NR3C2: variants seen among roughly 807,000 people sequenced by gnomAD.
NR3C2 encodes nuclear receptor subfamily 3 group C member 2.
Under a neutral mutation model 86.4 loss-of-function variants are expected in NR3C2, and 15 were observed. The ratio of observed to expected loss-of-function variants is 0.17; its 90% confidence interval spans 0.12 to 0.27. The LOEUF (loss-of-function observed/expected upper bound fraction) is 0.27, where lower values mean the gene tolerates loss of function less well. Ranked by LOEUF, NR3C2 falls within the 10% of genes least tolerant of loss-of-function variation. The pLI, the probability that NR3C2 is intolerant of heterozygous loss-of-function variation, is 1.00. For missense variants in NR3C2, 960 were observed against 1,195.6 expected, an observed-to-expected ratio of 0.80 and a Z score of 2.91; for synonymous variants, 458 against 450.5, an observed-to-expected ratio of 1.02 and a Z score of -0.21.
chr4:148,422,023 T>A (rs72658661), intron 2 of NR3C2, among the ~76,000 whole-genome samples: 11 of 152,126 alleles, frequency 7.2e-5, no homozygotes, highest in African/African-American at 2.7e-4. Context: ...GTCATACAAA[T>A]GTAGGAGCTT....
chr4:148,137,504 G>A (rs958208657), intron 6 of NR3C2, among the ~76,000 whole-genome samples: 2 of 152,278 alleles, frequency 1.3e-5, no homozygotes, highest in East Asian at 3.9e-4. Flanking sequence ...ACTAGACTAT[G>A]AGCCCTTTTA....
chr4:148,414,329 C>A (rs1474447955), intron 2 of NR3C2, among the ~76,000 whole-genome samples: 1 of 152,102 alleles, frequency 6.6e-6, no homozygotes, highest in Non-Finnish European at 1.5e-5. Flanking sequence ...GGATCCAAAT[C>A]TGATTTGAAC....
intron 2 of NR3C2, among the ~76,000 whole-genome samples, chr4:148,420,593 A>G (rs1167391332): frequency 1.3e-5 from 2 of 152,122 alleles, no homozygotes; most frequent in African/African-American, 4.8e-5. Context: ...AAAAGTGAGG[A>G]CTTCCTCATT....
intron 2 of NR3C2, among the ~76,000 whole-genome samples, chr4:148,302,969 G>A (rs1431365277): frequency 6.6e-6 from 1 of 152,082 alleles, no homozygotes; most frequent in Non-Finnish European, 1.5e-5. Context: ...CCCATGGCTG[G>A]GCTCAACTTT....
Position 148,079,064 on chromosome 4 carries a change from G to A in NR3C2, c.*2280C>T, listed in dbSNP as rs1209410132. 2.0e-5 allele frequency: 3 copies of A among 152,598 alleles called. No homozygotes were observed. The highest frequency in any genetic ancestry group is 4.4e-5 in the Non-Finnish European group (3 of 68,030). The allele number at this position is 152,598 out of a possible 1,614,324, so 9.5% of individuals were successfully genotyped here. On this transcript the variant is annotated 3_prime_UTR_variant, in exon 9 of 9. Transcript: ENST00000358102. ...AGACACACAAAGAGCCAGTAACTTT[G>A]TTAATACAAAAAGCTGATGCAGACC...
At chr4:148,104,357 T>TGG (rs1371388950) in intron 8 of NR3C2, among the ~76,000 whole-genome samples, 1 of 135,590 alleles carries the variant, frequency 7.4e-6, no homozygotes, top group Non-Finnish European at 1.6e-5. Flanking sequence ...TTTTTTTTTT[T>TGG]TTTTTGCATA....
chr4:148,270,039 T>C (rs1213008845), intron 2 of NR3C2, among the ~76,000 whole-genome samples: 1 of 151,886 alleles, frequency 6.6e-6, no homozygotes, highest in Non-Finnish European at 1.5e-5. Flanking sequence ...CTAATGTGAA[T>C]CTTGAACACA....
At chr4:148,437,995 A>G (rs1255000092) in intron 1 of NR3C2, among the ~76,000 whole-genome samples, 1 of 152,244 alleles carries the variant, frequency 6.6e-6, no homozygotes, top group Non-Finnish European at 1.5e-5. Flanking sequence ...CTTCTTGCAT[A>G]TATTAATTCA....
chr4:148,175,246 T>C (rs1270591512), intron 4 of NR3C2, among the ~76,000 whole-genome samples: 3 of 152,214 alleles, frequency 2.0e-5, no homozygotes, highest in Admixed American at 6.5e-5. Context: ...CTAAGAAGAA[T>C]GCTGCCAATG....
chr4:148,366,441 T>TACTTTTAAAAAAGAATACTTTTTA lies in NR3C2; in HGVS notation c.1757+68662_1757+68663insTAAAAAGTATTCTTTTTTAAAAGT, dbSNP rs1746122382. Among the ~76,000 whole-genome samples the TACTTTTAAAAAAGAATACTTTTTA allele has an allele frequency of 5.6e-4, 36 of 63,868 alleles. 4 individuals are homozygous for TACTTTTAAAAAAGAATACTTTTTA. In the South Asian group the frequency reaches 7.8e-3, roughly 14 times the overall value. The allele number at this position is 63,868 out of a possible 152,430, so 41.9% of individuals were successfully genotyped here. A position where few individuals can be genotyped will look rare whatever the true frequency, so the allele number is the denominator to read the frequency against. On this transcript the variant is annotated intron_variant, in intron 2 of 8. Transcript: ENST00000358102. ...CACTCCTTGAAAAAGAATACTTTTT[T>TACTTTTAAAAAAGAATACTTTTTA]AAAAGTACTTTTAAAAAAGAATACT... is the stretch of plus-strand genomic sequence containing the variant.
At chr4:148,139,130 G>A (rs1335126074) in intron 6 of NR3C2, among the ~76,000 whole-genome samples, 2 of 152,194 alleles carry the variant, frequency 1.3e-5, no homozygotes, top group Non-Finnish European at 2.9e-5. Flanking sequence ...ATGATGATTG[G>A]TTAGAGTTTC....
At chr4:148,438,345 C>T (rs1750176255) in intron 1 of NR3C2, among the ~76,000 whole-genome samples, 1 of 152,164 alleles carries the variant, frequency 6.6e-6, no homozygotes, top group Admixed American at 6.5e-5. Flanking sequence ...CTGACAACCA[C>T]CACTGTAAAG....
At chr4:148,310,745 C>T (rs769904409) in intron 2 of NR3C2, among the ~76,000 whole-genome samples, 29 of 152,188 alleles carry the variant, frequency 1.9e-4, no homozygotes, top group Non-Finnish European at 3.4e-4. Context: ...AGCATATGAG[C>T]ATGCCATGAC....
chr4:148,345,787 G>A (rs941404930), intron 2 of NR3C2, among the ~76,000 whole-genome samples: 3 of 151,926 alleles, frequency 2.0e-5, no homozygotes, highest in African/African-American at 4.8e-5. Flanking sequence ...AAATATTCAC[G>A]AAATACTGAC....
At chr4:148,194,060 T>A (rs1355406018) in intron 4 of NR3C2, among the ~76,000 whole-genome samples, 1 of 152,252 alleles carries the variant, frequency 6.6e-6, no homozygotes, top group East Asian at 1.9e-4. Context: ...ATTGTAGCTA[T>A]AATATGCTTT....
chr4:148,407,562 G>C (rs1748482917), intron 2 of NR3C2, among the ~76,000 whole-genome samples: 2 of 152,080 alleles, frequency 1.3e-5, no homozygotes, highest in South Asian at 4.2e-4. Flanking sequence ...AATTACCACT[G>C]AGACAGGATT....
intron 8 of NR3C2, among the ~76,000 whole-genome samples, chr4:148,094,477 G>A (rs1418621947): frequency 6.6e-6 from 1 of 152,162 alleles, no homozygotes; most frequent in Non-Finnish European, 1.5e-5. Context: ...ACTTTGGGAG[G>A]CTGAGGTGGG....
intron 2 of NR3C2, among the ~76,000 whole-genome samples, chr4:148,301,358 G>A (rs978350001): frequency 2.0e-5 from 3 of 152,160 alleles, no homozygotes; most frequent in African/African-American, 7.2e-5. Flanking sequence ...ACAACCTTAA[G>A]ATTATGGGTA....
chr4:148,344,420 A>ACT (rs923171939), intron 2 of NR3C2, among the ~76,000 whole-genome samples: 1 of 152,174 alleles, frequency 6.6e-6, no homozygotes, highest in Non-Finnish European at 1.5e-5. Context: ...TGGAGTTCAA[A>ACT]CTCCACTGGG....
Sources: gnomAD v4.1 joint callset for allele counts (sites outside exome capture counted in the v4.1 genomes callset) on GRCh38, gnomAD v4.1.1 for gene constraint, MANE v1.5 for transcripts, NCBI Gene and HGNC (gene_info 2026-07-23, HGNC 2026-07-21) for gene names.